NOX1: variants seen among roughly 807,000 people sequenced by gnomAD.
NOX1 encodes NADH/NADPH mitogenic oxidase subunit P65-MOX.
NOX1 carries 34 observed loss-of-function variants against 42.5 expected under a neutral mutation model. The ratio of observed to expected loss-of-function variants is 0.80; its 90% CI spans 0.61 to 1.07. NOX1 has a LOEUF of 1.07. Ranked by LOEUF, NOX1 falls within the 50% of genes least tolerant of loss-of-function variation. NOX1 has a pLI of 0.00. For missense variants in NOX1, 408 were observed against 427.0 expected (o/e 0.96, Z 0.39); for synonymous variants, 143 against 152.5 (o/e 0.94, Z 0.46).
intron 4 of NOX1, 42 bp downstream of exon 4, chrX:100,863,117 G>A (rs749822854): frequency 2.1e-6 from 2 of 959,756 alleles, no homozygotes; most frequent in South Asian, 1.9e-5. Context: ...GCAAGATTCT[G>A]AATGCCCTGG....
chrX:100,873,825 T>C (rs1387960890), intron 1 of NOX1, among the ~76,000 whole-genome samples: 1 of 111,332 alleles, frequency 9.0e-6, no homozygotes, highest in African/African-American at 3.3e-5. Flanking sequence ...ATGGTAGTAG[T>C]TAGAAGTGAG....
chrX:100,843,860 T>C lies in NOX1; in HGVS notation c.*92A>G. The C allele has an allele frequency of 1.3e-6, 1 of 779,164 alleles. No homozygotes were observed. The highest frequency in any genetic ancestry group is 1.9e-6 in the Non-Finnish European group (1 of 534,729). 64.2% of individuals were successfully genotyped at this position (779,164 alleles called of 1,213,427 possible). ...TCAAGGCTTGAGAGGCACATTCTTA[T>C]CCTAAAGTGACTGCTCAAACCTGAC... On this transcript the variant is annotated 3_prime_UTR_variant, in exon 13 of 13. Coordinates refer to ENST00000372966, the MANE Select transcript of NOX1 (RefSeq NM_007052.5).
chrX:100,855,214 C>T (rs2085158163), intron 7 of NOX1: 3 of 484,820 alleles, frequency 6.2e-6, no homozygotes, highest in Non-Finnish European at 1.1e-5. Context: ...TGGCTGAGTT[C>T]ATGAATCTGT....
In NOX1 at chrX:100,843,475, TTTATGTTTATTA is replaced by T. The variant is rs762644774; in HGVS notation, c.*465_*476del. The T allele has an allele frequency of 2.6e-5, 28 of 1,081,226 alleles. No homozygotes were observed. The South Asian group carries it at 6.5e-4, about 25-fold the overall frequency. The allele number at this position is 1,081,226 out of a possible 1,213,427, so 89.1% of individuals were successfully genotyped here. ...GGGTTCTCGGTAATTTTGTTTATTA[TTTATGTTTATTA>T]TTATGTTTTATCATTAATTATTCAA... On this transcript the variant is annotated 3_prime_UTR_variant, in exon 13 of 13. Transcript: ENST00000372966.
In NOX1 at chrX:100,843,672, G is replaced by T; in HGVS notation, c.*280C>A. The T allele has an allele frequency of 2.4e-6, 1 of 410,128 alleles. No homozygotes were observed. The highest frequency in any genetic ancestry group is 4.0e-6 in the Non-Finnish European group (1 of 248,471). 33.8% of individuals were successfully genotyped at this position (410,128 alleles called of 1,213,427 possible). On this transcript the variant is annotated 3_prime_UTR_variant, in exon 13 of 13. Coordinates refer to ENST00000372966, the MANE Select transcript of NOX1 (RefSeq NM_007052.5). ...TGAACCACCAAACCTCTGCTATCAAGCCTTGCTACAGTCATGGCTGTCCAG... is the reference window on the plus strand; with the variant it reads ...TGAACCACCAAACCTCTGCTATCAATCCTTGCTACAGTCATGGCTGTCCAG...
Position 100,856,434 on chromosome X carries a change from C to T in NOX1, c.805-5109G>A, listed in dbSNP as rs558835921. 1.3e-4 allele frequency: 58 copies of T among 458,389 alleles called. 2 individuals are homozygous for T. Among genetic ancestry groups the T allele is most frequent in the African/African-American group, 7.4e-4 (31 of 41,643 alleles). 37.8% of individuals were successfully genotyped at this position (458,389 alleles called of 1,213,427 possible). ...ATGCTTCTTCAGTGGCGTACACGGGCGGAAAGGCAATAGCTCCCTATCTTT... is the reference window on the plus strand; with the variant it reads ...ATGCTTCTTCAGTGGCGTACACGGGTGGAAAGGCAATAGCTCCCTATCTTT... On this transcript the variant is annotated intron_variant, in intron 7 of 12. Coordinates refer to ENST00000372966, the MANE Select transcript of NOX1 (RefSeq NM_007052.5).
chrX:100,863,204 G>T lies in NOX1; in HGVS notation c.292C>A (p.Leu98Ile). 8.3e-7 allele frequency: 1 copy of T among 1,208,973 alleles called. No individual in the cohort carries two copies. Among genetic ancestry groups the T allele is most frequent in the Non-Finnish European group, 1.1e-6 (1 of 892,824 alleles). Residue 98 changes from leucine to isoleucine, a missense_variant, in exon 4 of 13, where the codon CTC (leucine) becomes ATC (isoleucine). Transcript: ENST00000372966. Reference protein sequence around the residue: ...RTLRKQLDHNLTFHKLVAYMI... With the variant: ...RTLRKQLDHNITFHKLVAYMI... ...TAGGCCACCAGCTTGTGGAAGGTGA[G>T]GTTGTGATCCAATTGCTTTCTCAGT...
chrX:100,871,862 C>G (rs1228997848), intron 1 of NOX1, among the ~76,000 whole-genome samples: 1 of 111,813 alleles, frequency 8.9e-6, no homozygotes, highest in Admixed American at 9.5e-5. Flanking sequence ...ACCTTTAGTA[C>G]TATAATATAG....
intron 7 of NOX1, among the ~76,000 whole-genome samples, chrX:100,857,814 T>G (rs2085177791): frequency 4.5e-5 from 5 of 111,160 alleles, no homozygotes; most frequent in Non-Finnish European, 9.4e-5. Flanking sequence ...TGCTAGATAT[T>G]AGACCTTTGT....
At position 100,862,265 on chromosome X, in the gene NOX1, T is replaced by C. The variant is rs780839000; in HGVS notation, c.710A>G (p.Glu237Gly). 1 of 1,210,453 alleles carries C rather than the reference T, an allele frequency of 8.3e-7. No individual in the cohort carries two copies. The highest frequency in any genetic ancestry group is 1.1e-6 in the Non-Finnish European group (1 of 894,770). ...CTCTGCACACTTGCGAGGATGACTC[T>C]CATTCATGCTCTCCTCTGTTTGACC... ...VRGQTEESMNESHPRKCAESF... is the reference protein window; with the variant it reads ...VRGQTEESMNGSHPRKCAESF... The change falls in exon 7 of 13, where the codon GAG becomes GGG. Residue 237 changes from glutamate (E) to glycine (G), a missense_variant. Physicochemically the swap from Glu to Gly is moderately conservative, Grantham distance 98. Coordinates refer to ENST00000372966, the MANE Select transcript of NOX1 (RefSeq NM_007052.5).
chrX:100,847,339 G>A (rs941934960), intron 12 of NOX1, among the ~76,000 whole-genome samples: 2 of 111,643 alleles, frequency 1.8e-5, no homozygotes, highest in Non-Finnish European at 3.8e-5. Context: ...CCTCTTTCAC[G>A]GAGTGCATTA....
Position 100,862,583 on chromosome X carries a change from G to T in NOX1, c.490-10C>A. On this transcript the variant is annotated splice_polypyrimidine_tract_variant and intron_variant, in intron 5 of 12. Transcript: ENST00000372966. ...TCACATACTCCACTGTCTGTGAAAG[G>T]AGAAATGTCAGCCTGACACAATGTC... is the stretch of plus-strand genomic sequence containing the variant. 1 of 1,204,598 alleles carries T rather than the reference G, an allele frequency of 8.3e-7. No homozygotes were observed.
At position 100,863,263 on chromosome X, in the gene NOX1, A is replaced by G. The variant is rs1304555148; in HGVS notation, c.253-20T>C. On this transcript the variant is annotated intron_variant, in intron 3 of 12. Coordinates refer to ENST00000372966, the MANE Select transcript of NOX1 (RefSeq NM_007052.5). Reference sequence around the variant, plus strand: ...GCAAAACTACAAATGTAGAATGATCATGGTCAGATGTCGCCAGCCAGCTTT... The same window carrying G: ...GCAAAACTACAAATGTAGAATGATCGTGGTCAGATGTCGCCAGCCAGCTTT... 3 of 1,135,787 alleles carry G rather than the reference A, an allele frequency of 2.6e-6. No homozygotes were observed. The highest frequency in any genetic ancestry group is 4.4e-5 in the Admixed American group (2 of 45,912). The allele number at this position is 1,135,787 out of a possible 1,213,427, so 93.6% of individuals were successfully genotyped here.
intron 12 of NOX1, among the ~76,000 whole-genome samples, chrX:100,846,726 C>A (rs775700033): frequency 1.1e-4 from 12 of 112,564 alleles, no homozygotes; most frequent in African/African-American, 3.9e-4. Flanking sequence ...TGCTTATATG[C>A]TGCTTTAAAA....
intron 1 of NOX1, 119 bp downstream of exon 1, chrX:100,873,976 T>G (rs1262294104): frequency 1.8e-5 from 9 of 503,152 alleles, no homozygotes; most frequent in African/African-American, 7.2e-5. Context: ...CTAACTGGTC[T>G]TGATGAGCCC....
In NOX1 at chrX:100,863,486, G is replaced by A. The variant is rs769398273; in HGVS notation, c.251C>T (p.Ser84Leu). The A allele has an allele frequency of 5.2e-5, 63 of 1,210,009 alleles. No homozygotes were observed. The South Asian group carries it at 1.1e-3, about 21-fold the overall frequency. Residue 84 changes from serine (S) to leucine (L), a missense_variant and splice_region_variant, in exon 3 of 13, where the codon TCA becomes TTA. Physicochemically the swap from Ser to Leu is moderately radical, Grantham distance 145. Transcript: ENST00000372966. ...GACTTAGGAGTGGTTGGGACTCACT[G>A]AGCAGGTGCCCCTCAGGAAGGACAG... ...NLLSFLRGTCSFCSRTLRKQL... is the reference protein window; with the variant it reads ...NLLSFLRGTCLFCSRTLRKQL...
intron 7 of NOX1, among the ~76,000 whole-genome samples, chrX:100,859,065 G>T (rs2085185969): frequency 9.0e-6 from 1 of 111,653 alleles, no homozygotes; most frequent in African/African-American, 3.3e-5. Context: ...GTTGGCTGTG[G>T]GTTTGTCATA....
chrX:100,844,825 TTAAA>T (rs1202183407), intron 12 of NOX1, among the ~76,000 whole-genome samples: 1 of 111,916 alleles, frequency 8.9e-6, no homozygotes, highest in Non-Finnish European at 1.9e-5. Context: ...GTTTTAAGGA[TTAAA>T]TAAGAACATG....
At chrX:100,858,840 A>C (rs1404154532) in intron 7 of NOX1, among the ~76,000 whole-genome samples, 1 of 111,145 alleles carries the variant, frequency 9.0e-6, no homozygotes, top group South Asian at 3.8e-4. Context: ...GACATAGACT[A>C]TGGGGTTTTC....
Sources: gnomAD v4.1 joint callset for allele counts (sites outside exome capture counted in the v4.1 genomes callset) on GRCh38, gnomAD v4.1.1 for gene constraint, MANE v1.5 for transcripts, NCBI Gene and HGNC (gene_info 2026-07-23, HGNC 2026-07-21) for gene names.